Variants in ARHGEF12 observed in about 807,000 individuals in gnomAD.
ARHGEF12 encodes the protein Rho guanine nucleotide exchange factor 12, also known as KMT2A/ARHGEF12 fusion protein.
ARHGEF12 carries 66 observed loss-of-function variants against 211.2 expected under a neutral mutation model. The ratio of observed to expected loss-of-function variants is 0.31; its 90% confidence interval spans 0.26 to 0.38. The LOEUF (loss-of-function observed/expected upper bound fraction) is 0.38, where lower values mean the gene tolerates loss of function less well. Ranked by LOEUF, ARHGEF12 falls within the 10% of genes least tolerant of loss-of-function variation. The probability of loss-of-function intolerance (pLI) is 1.00; values close to 1 mark genes in which losing one functional copy is unlikely to be tolerated. For missense variants in ARHGEF12, 1,429 were observed against 1,869.5 expected (o/e 0.76, Z 4.34); for synonymous variants, 592 against 638.4 (o/e 0.93, Z 1.09).
At chr11:120,400,216 CTTATTT>C (rs1270542215) in intron 1 of ARHGEF12, among the ~76,000 whole-genome samples, 1 of 151,870 alleles carries the variant, frequency 6.6e-6, no homozygotes, top group Non-Finnish European at 1.5e-5. Flanking sequence ...TTTTTCTACT[CTTATTT>C]TTATTATTTT....
chr11:120,472,562 C>T (rs7939137), intron 30 of ARHGEF12, among the ~76,000 whole-genome samples: 69,493 of 151,890 alleles, frequency 0.46, 16,664 homozygotes, highest in African/African-American at 0.6. Flanking sequence ...GCCAAAGAGG[C>T]AGGAGGAAAA....
intron 1 of ARHGEF12, among the ~76,000 whole-genome samples, chr11:120,388,818 A>G (rs967037215): frequency 1.3e-5 from 2 of 151,958 alleles, no homozygotes; most frequent in African/African-American, 2.4e-5. Context: ...ATTGGGTTGT[A>G]AGAGTTCCTT....
intron 1 of ARHGEF12, among the ~76,000 whole-genome samples, chr11:120,401,741 G>C (rs1426560915): frequency 6.6e-6 from 1 of 152,150 alleles, no homozygotes; most frequent in Non-Finnish European, 1.5e-5. Context: ...TTTTCTTACA[G>C]TGTAACGTCT....
intron 29 of ARHGEF12, among the ~76,000 whole-genome samples, chr11:120,468,814 T>C (rs1194473544): frequency 6.6e-6 from 1 of 152,232 alleles, no homozygotes; most frequent in African/African-American, 2.4e-5. Flanking sequence ...TCTTTAAATA[T>C]AATCTCAAAT....
At chr11:120,347,142 TCC>T (rs1565416812) in intron 1 of ARHGEF12, among the ~76,000 whole-genome samples, 11 of 47,328 alleles carry the variant, frequency 2.3e-4, no homozygotes, top group Admixed American at 7.1e-4. Context: ...TTTCCTTCCT[TCC>T]TTCCTTCCTT....
intron 15 of ARHGEF12, among the ~76,000 whole-genome samples, chr11:120,444,054 T>C (rs1336053851): frequency 6.6e-6 from 1 of 152,146 alleles, no homozygotes; most frequent in African/African-American, 2.4e-5. Context: ...ACCCTGAATA[T>C]AAGTTTTATT....
At chr11:120,347,466 A>G (rs1942803145) in intron 1 of ARHGEF12, among the ~76,000 whole-genome samples, 1 of 151,882 alleles carries the variant, frequency 6.6e-6, no homozygotes, top group South Asian at 2.1e-4. Context: ...CAGTGATGTT[A>G]TTTTCTTTGG....
At chr11:120,474,487 A>T (rs1946967082) in intron 31 of ARHGEF12, 73 bp from the exon 32 acceptor site, 1 of 948,330 alleles carries the variant, frequency 1.1e-6, no homozygotes, top group African/African-American at 1.7e-5. Flanking sequence ...TTTAAAAGAG[A>T]CTGTATTATA....
At chr11:120,396,409 ACTTTAC>A (rs1226403193) in intron 1 of ARHGEF12, among the ~76,000 whole-genome samples, 4 of 152,094 alleles carry the variant, frequency 2.6e-5, no homozygotes, top group Non-Finnish European at 5.9e-5. Context: ...AAAAATAATA[ACTTTAC>A]AGGGAGACGT....
At chr11:120,423,291 G>A (rs1297307237) in intron 6 of ARHGEF12, among the ~76,000 whole-genome samples, 2 of 152,148 alleles carry the variant, frequency 1.3e-5, no homozygotes, top group Non-Finnish European at 2.9e-5. Flanking sequence ...ATTCTCATGA[G>A]TTCGTTGTGA....
intron 1 of ARHGEF12, among the ~76,000 whole-genome samples, chr11:120,400,210 T>C (rs1322656156): frequency 2.0e-5 from 3 of 152,154 alleles, no homozygotes; most frequent in Non-Finnish European, 4.4e-5. Flanking sequence ...GGGATTTTTT[T>C]CTACTCTTAT....
At chr11:120,420,229 C>G (rs1009747277) in intron 4 of ARHGEF12, among the ~76,000 whole-genome samples, 20 of 152,154 alleles carry the variant, frequency 1.3e-4, no homozygotes, top group African/African-American at 4.3e-4. Flanking sequence ...GGAATAACTT[C>G]AGGTACTCTG....
At chr11:120,431,746 C>A in intron 10 of ARHGEF12, 25 bp from the exon 11 acceptor site, 1 of 1,549,632 alleles carries the variant, frequency 6.5e-7, no homozygotes, top group South Asian at 1.2e-5. Flanking sequence ...TTTGTGTGCG[C>A]GTGTTTTTCT....
chr11:120,350,062 C>T (rs1942888212), intron 1 of ARHGEF12, among the ~76,000 whole-genome samples: 1 of 152,184 alleles, frequency 6.6e-6, no homozygotes, highest in South Asian at 2.1e-4. Flanking sequence ...TATTTATTAA[C>T]ATCAGTTTGT....
chr11:120,378,375 G>A (rs1170091049), intron 1 of ARHGEF12, among the ~76,000 whole-genome samples: 1 of 152,122 alleles, frequency 6.6e-6, no homozygotes, highest in Non-Finnish European at 1.5e-5. Context: ...TGAGAGGTAA[G>A]GTATGGGTCC....
chr11:120,434,375 A>G (rs904360761), intron 11 of ARHGEF12, among the ~76,000 whole-genome samples: 1 of 152,242 alleles, frequency 6.6e-6, no homozygotes, highest in Non-Finnish European at 1.5e-5. Flanking sequence ...AATATTGTGG[A>G]AATCCGAGTG....
At chr11:120,427,830 C>A (rs1371404923) in intron 7 of ARHGEF12, among the ~76,000 whole-genome samples, 2 of 151,992 alleles carry the variant, frequency 1.3e-5, no homozygotes, top group African/African-American at 2.4e-5. Flanking sequence ...TCTGATCTTA[C>A]TAGTAGTAAC....
chr11:120,473,175 A>G, intron 31 of ARHGEF12, 48 bp downstream of exon 31: 1 of 1,555,736 alleles, frequency 6.4e-7, no homozygotes, highest in South Asian at 1.1e-5. Context: ...AAAATTTGCT[A>G]AAGACCTGGC....
chr11:120,352,359 A>G (rs961949329), intron 1 of ARHGEF12, among the ~76,000 whole-genome samples: 1 of 152,334 alleles, frequency 6.6e-6, no homozygotes, highest in Non-Finnish European at 1.5e-5. Context: ...TTTAAGGCCT[A>G]TCTCATATAT....
Sources: gnomAD v4.1 joint callset for allele counts (sites outside exome capture counted in the v4.1 genomes callset) on GRCh38, gnomAD v4.1.1 for gene constraint, MANE v1.5 for transcripts, NCBI Gene and HGNC (gene_info 2026-07-23, HGNC 2026-07-21) for gene names.